Variants in ADK observed in about 807,000 individuals in gnomAD.
The protein encoded by ADK is N6,N6-dimethyladenosine kinase.
Under a neutral mutation model 44.7 loss-of-function variants are expected in ADK, and 24 were observed. The observed-to-expected ratio is 0.54, with a 90% CI of 0.39 to 0.76. The LOEUF is 0.76. Among genes scored for constraint, ADK ranks in the 30% least tolerant of loss-of-function variants. ADK has a pLI of 0.00. For synonymous variants in ADK, 128 were observed against 142.6 expected, an observed-to-expected ratio of 0.90 and a Z score of 0.73; for missense variants, 321 against 425.1, an observed-to-expected ratio of 0.76 and a Z score of 2.15.
intron 9 of ADK, among the ~76,000 whole-genome samples, chr10:74,663,378 C>T (rs1486815505): frequency 6.6e-6 from 1 of 151,674 alleles, no homozygotes; most frequent in African/African-American, 2.4e-5. Flanking sequence ...TCTGTATTCC[C>T]AGTCCCTAAT....
chr10:74,630,447 C>T (rs1287557598), intron 9 of ADK, among the ~76,000 whole-genome samples: 1 of 100,834 alleles, frequency 9.9e-6, no homozygotes, highest in Non-Finnish European at 2.0e-5. Flanking sequence ...TCCTCCTTAA[C>T]ATTAACACTT....
At chr10:74,176,429 G>T (rs1407139565) in intron 1 of ADK, 1 of 1,047,064 alleles carries the variant, frequency 9.6e-7, no homozygotes, top group African/African-American at 1.7e-5. Flanking sequence ...CTGTTACAGG[G>T]AGCTGAGCTT....
rs191239870 is a variant in ADK, at chr10:74,259,199, C to T, written c.194+34608C>T. Among the ~76,000 whole-genome samples the T allele has an allele frequency of 2.7e-3, 404 of 151,728 alleles. 1 individual carries two copies. The highest frequency in any genetic ancestry group is 0.016 in the South Asian group (76 of 4,814). ...GCCTCAAGTGATCTGCCTGCCTCAG[C>T]CTCCCAAAGTGTTGGGATTACAGGT... On this transcript the variant is annotated intron_variant, in intron 3 of 10. Transcript: ENST00000539909.
chr10:74,522,215 A>G (rs1020707639), intron 6 of ADK, among the ~76,000 whole-genome samples: 1 of 152,204 alleles, frequency 6.6e-6, no homozygotes, highest in Non-Finnish European at 1.5e-5. Flanking sequence ...AAAGACATGG[A>G]TAGTTGTAGA....
At chr10:74,653,443 C>A (rs746486814) in intron 9 of ADK, among the ~76,000 whole-genome samples, 4 of 152,102 alleles carry the variant, frequency 2.6e-5, no homozygotes, top group Non-Finnish European at 5.9e-5. Flanking sequence ...CAGAGCAAGA[C>A]TCCATCTCAA....
intron 3 of ADK, among the ~76,000 whole-genome samples, chr10:74,279,253 A>G (rs911131887): frequency 2.6e-5 from 4 of 151,062 alleles, no homozygotes; most frequent in African/African-American, 9.8e-5. Flanking sequence ...GCATTCCAGC[A>G]TGGGTGACAG....
chr10:74,356,679 A>G (rs1842157908), intron 4 of ADK, among the ~76,000 whole-genome samples: 1 of 152,202 alleles, frequency 6.6e-6, no homozygotes, highest in Non-Finnish European at 1.5e-5. Flanking sequence ...TAATTTTTCT[A>G]TACTTTAGTC....
At chr10:74,386,451 G>C (rs1843143541) in intron 4 of ADK, among the ~76,000 whole-genome samples, 1 of 152,118 alleles carries the variant, frequency 6.6e-6, no homozygotes, top group Admixed American at 6.5e-5. Context: ...CTTCCTTGAA[G>C]GTAAAGTTAA....
At position 74,329,059 on chromosome 10, in the gene ADK, TAATAA is replaced by T. The variant is rs556801472; in HGVS notation, c.273+14327_273+14331del. Among the ~76,000 whole-genome samples, 310 of 52,894 alleles carry T rather than the reference TAATAA, an allele frequency of 5.9e-3. 2 individuals are homozygous for T. Among genetic ancestry groups the T allele is most frequent in the Admixed American group, 7.0e-3 (31 of 4,424 alleles). 34.7% of individuals were successfully genotyped at this position (52,894 alleles called of 152,430 possible). On this transcript the variant is annotated intron_variant, in intron 4 of 10. Transcript: ENST00000539909. ...TACCCTAGAACTTAAAGTATAATAA[TAATAA>T]AATAAAATAAAAATAAAATAAAATC...
At chr10:74,159,582 T>C (rs1841836642) in intron 1 of ADK, among the ~76,000 whole-genome samples, 1 of 152,250 alleles carries the variant, frequency 6.6e-6, no homozygotes, top group South Asian at 2.1e-4. Flanking sequence ...TCAACCTAAC[T>C]GGAAAGTCCA....
At chr10:74,649,658 A>C (rs887597944) in intron 9 of ADK, among the ~76,000 whole-genome samples, 5 of 152,062 alleles carry the variant, frequency 3.3e-5, no homozygotes, top group Non-Finnish European at 2.9e-5. Context: ...CAGTCAATCA[A>C]CTAATATTCA....
At chr10:74,302,053 T>C (rs1357843745) in intron 3 of ADK, among the ~76,000 whole-genome samples, 1 of 150,432 alleles carries the variant, frequency 6.6e-6, no homozygotes, top group Non-Finnish European at 1.5e-5. Flanking sequence ...TATTTTTACC[T>C]TTTTTTAAAG....
chr10:74,236,952 A>G (rs188027968), intron 3 of ADK, among the ~76,000 whole-genome samples: 34 of 152,332 alleles, frequency 2.2e-4, no homozygotes, highest in Admixed American at 1.2e-3. Flanking sequence ...GCAAGTTACA[A>G]TCATTTTGCT....
At chr10:74,663,975 G>A (rs1305999107) in intron 9 of ADK, among the ~76,000 whole-genome samples, 2 of 152,076 alleles carry the variant, frequency 1.3e-5, no homozygotes, top group African/African-American at 4.8e-5. Flanking sequence ...ATTTCATGCT[G>A]TTAGTATAAC....
In ADK at chr10:74,323,023, G is replaced by A. The variant is rs528244046; in HGVS notation, c.273+8278G>A. Among the ~76,000 whole-genome samples the A allele has an allele frequency of 2.0e-5, 3 of 152,210 alleles. No individual in the cohort carries two copies. In the East Asian group the frequency reaches 5.8e-4, roughly 29 times the overall value. On this transcript the variant is annotated intron_variant, in intron 4 of 10. Transcript: ENST00000539909. ...GAATGACATATCTCTACTCTTGTGGGCCTTAATGTCATGCAGTGTTTCTGG... is the reference window on the plus strand; with the variant it reads ...GAATGACATATCTCTACTCTTGTGGACCTTAATGTCATGCAGTGTTTCTGG...
At chr10:74,183,314 A>G (rs1319327599) in intron 1 of ADK, among the ~76,000 whole-genome samples, 2 of 152,156 alleles carry the variant, frequency 1.3e-5, no homozygotes, top group African/African-American at 2.4e-5. Flanking sequence ...GCACATGCCT[A>G]TAATCTCAGC....
chr10:74,293,715 A>G (rs796072533), intron 3 of ADK, among the ~76,000 whole-genome samples: 17 of 152,320 alleles, frequency 1.1e-4, no homozygotes, highest in African/African-American at 4.1e-4. Context: ...GTTTTTGGAT[A>G]AATTTTTATA....
intron 6 of ADK, among the ~76,000 whole-genome samples, chr10:74,469,436 A>G (rs973943153): frequency 1.3e-5 from 2 of 152,100 alleles, no homozygotes; most frequent in Admixed American, 1.3e-4. Context: ...AGCATAGCTC[A>G]CTGTAACCTT....
At chr10:74,375,531 A>G (rs534468188) in intron 4 of ADK, among the ~76,000 whole-genome samples, 41 of 152,292 alleles carry the variant, frequency 2.7e-4, no homozygotes, top group African/African-American at 9.1e-4. Context: ...TGTCTTCACA[A>G]TCAGCATTTT....
Sources: allele counts gnomAD v4.1 joint callset (sites outside exome capture counted in the v4.1 genomes callset), GRCh38; gene constraint gnomAD v4.1.1; transcripts MANE v1.5; gene names NCBI Gene and HGNC (gene_info 2026-07-23, HGNC 2026-07-21).